Variants in DKK2 observed in about 807,000 individuals in gnomAD.
The protein encoded by DKK2 is dickkopf Wnt signaling pathway inhibitor 2.
A neutral mutation model predicts 28.1 loss-of-function variants in DKK2; 11 were observed. That is an observed-to-expected ratio of 0.39 (90% CI 0.25 to 0.65). The LOEUF (loss-of-function observed/expected upper bound fraction) is 0.65, where lower values mean the gene tolerates loss of function less well. Among genes scored for constraint, DKK2 ranks in the 30% least tolerant of loss-of-function variants. The pLI is 0.47. For synonymous variants in DKK2, 135 were observed against 126.5 expected, an observed-to-expected ratio of 1.07 and a Z score of -0.45; for missense variants, 326 against 335.5, an observed-to-expected ratio of 0.97 and a Z score of 0.22.
At chr4:106,972,935 TG>T (rs1397910647) in intron 1 of DKK2, among the ~76,000 whole-genome samples, 1 of 152,098 alleles carries the variant, frequency 6.6e-6, no homozygotes, top group Non-Finnish European at 1.5e-5. Flanking sequence ...TTCCCTTCTC[TG>T]GGTCCATGTG....
intron 1 of DKK2, among the ~76,000 whole-genome samples, chr4:106,929,225 T>C (rs1724466677): frequency 6.6e-6 from 1 of 152,208 alleles, no homozygotes; most frequent in African/African-American, 2.4e-5. Context: ...AAAGGTCTGA[T>C]TTTTATTTTA....
At chr4:106,926,085 G>T (rs1004558591) in intron 1 of DKK2, 136 bp from the exon 2 acceptor site, 4 of 937,682 alleles carry the variant, frequency 4.3e-6, no homozygotes, top group Non-Finnish European at 6.0e-6. Context: ...TCATCATAAT[G>T]TTCTGAACCT....
intron 1 of DKK2, among the ~76,000 whole-genome samples, chr4:107,009,956 T>G (rs1364859369): frequency 6.6e-6 from 1 of 151,954 alleles, no homozygotes; most frequent in African/African-American, 2.4e-5. Context: ...TGACTGTGCC[T>G]CAATTCCTCA....
At chr4:106,952,673 T>C (rs1722487251) in intron 1 of DKK2, among the ~76,000 whole-genome samples, 1 of 152,100 alleles carries the variant, frequency 6.6e-6, no homozygotes, top group African/African-American at 2.4e-5. Flanking sequence ...TTCTCAAAAA[T>C]AAAAATAGCC....
At chr4:107,001,600 T>C (rs1004817784) in intron 1 of DKK2, among the ~76,000 whole-genome samples, 42 of 152,306 alleles carry the variant, frequency 2.8e-4, no homozygotes, top group African/African-American at 9.1e-4. Context: ...GGAAGATGCT[T>C]GGTGCTCAGT....
chr4:106,969,441 C>T (rs80177246), intron 1 of DKK2, among the ~76,000 whole-genome samples: 1,691 of 151,794 alleles, frequency 0.011, 25 homozygotes, highest in African/African-American at 0.037. Context: ...CAGAAAAGCC[C>T]CATGCTGACT....
intron 1 of DKK2, among the ~76,000 whole-genome samples, chr4:106,997,095 T>C (rs1024826229): frequency 6.6e-6 from 1 of 152,090 alleles, no homozygotes; most frequent in Non-Finnish European, 1.5e-5. Context: ...ATCTATGATG[T>C]TTAGAAATTT....
At chr4:107,022,605 G>A (rs2110374096) in intron 1 of DKK2, among the ~76,000 whole-genome samples, 1 of 152,206 alleles carries the variant, frequency 6.6e-6, no homozygotes, top group Non-Finnish European at 1.5e-5. Flanking sequence ...TAGACTTCAT[G>A]TTCTAGAAAT....
intron 1 of DKK2, among the ~76,000 whole-genome samples, chr4:106,934,454 G>C (rs1019527965): frequency 1.6e-4 from 25 of 152,146 alleles, no homozygotes; most frequent in East Asian, 5.8e-4. Context: ...ATTGTGTTTT[G>C]TTTCAGAAAT....
chr4:106,969,511 G>A (rs1722831980), intron 1 of DKK2, among the ~76,000 whole-genome samples: 1 of 151,914 alleles, frequency 6.6e-6, no homozygotes, highest in Non-Finnish European at 1.5e-5. Flanking sequence ...TGCACCAAGT[G>A]TAGTATTTAA....
chr4:106,928,760 C>G (rs1374947720), intron 1 of DKK2, among the ~76,000 whole-genome samples: 1 of 152,142 alleles, frequency 6.6e-6, no homozygotes, highest in East Asian at 1.9e-4. Context: ...AATAACAATT[C>G]TCATGTCTTA....
At chr4:106,975,611 C>T (rs1167683964) in intron 1 of DKK2, among the ~76,000 whole-genome samples, 3 of 151,918 alleles carry the variant, frequency 2.0e-5, no homozygotes, top group Non-Finnish European at 4.4e-5. Flanking sequence ...TTTATTATGT[C>T]TGTTTGATTC....
At chr4:106,940,984 G>A (rs950586942) in intron 1 of DKK2, among the ~76,000 whole-genome samples, 3 of 152,048 alleles carry the variant, frequency 2.0e-5, no homozygotes, top group Admixed American at 6.6e-5. Context: ...GGGAGGGATA[G>A]CATTGGGAGA....
At chr4:106,958,050 TG>T (rs955034109) in intron 1 of DKK2, among the ~76,000 whole-genome samples, 12 of 150,922 alleles carry the variant, frequency 8.0e-5, no homozygotes, top group Non-Finnish European at 1.8e-4. Flanking sequence ...TATTTAGAAT[TG>T]TCTGCATTTC....
intron 1 of DKK2, among the ~76,000 whole-genome samples, chr4:106,954,023 A>G (rs1002102930): frequency 7.9e-5 from 12 of 152,190 alleles, no homozygotes; most frequent in African/African-American, 2.9e-4. Flanking sequence ...GAGTATAATA[A>G]TAACTACTAT....
intron 1 of DKK2, among the ~76,000 whole-genome samples, chr4:106,996,728 C>T (rs1469312224): frequency 6.6e-6 from 1 of 152,186 alleles, no homozygotes; most frequent in African/African-American, 2.4e-5. Context: ...AGGAATACAA[C>T]CAGTAGATTT....
intron 1 of DKK2, among the ~76,000 whole-genome samples, chr4:106,985,647 A>C (rs1412703189): frequency 6.6e-6 from 1 of 151,458 alleles, no homozygotes; most frequent in East Asian, 2.0e-4. Flanking sequence ...CGTTTCTACT[A>C]AAAATACAAA....
At chr4:106,981,144 C>T (rs1723022575) in intron 1 of DKK2, among the ~76,000 whole-genome samples, 1 of 151,792 alleles carries the variant, frequency 6.6e-6, no homozygotes, top group Non-Finnish European at 1.5e-5. Context: ...AGAGGTCAAC[C>T]TATATGGGGG....
chr4:106,972,139 A>T (rs960645688), intron 1 of DKK2, among the ~76,000 whole-genome samples: 8 of 152,068 alleles, frequency 5.3e-5, no homozygotes, highest in Non-Finnish European at 1.2e-4. Context: ...GGCTTCAAGG[A>T]TAATTTACTG....
Sources: gnomAD v4.1 joint callset for allele counts (sites outside exome capture counted in the v4.1 genomes callset) on GRCh38, gnomAD v4.1.1 for gene constraint, MANE v1.5 for transcripts, NCBI Gene and HGNC (gene_info 2026-07-23, HGNC 2026-07-21) for gene names.